The following ADGRV1 variants were observed in gnomAD, a reference collection of about 807,000 sequenced individuals.
The protein encoded by ADGRV1 is G-protein coupled receptor 98.
ADGRV1 carries 359 observed loss-of-function variants against 596.2 expected under a neutral mutation model. The ratio of observed to expected loss-of-function variants is 0.60; its 90% CI spans 0.55 to 0.66. The LOEUF (loss-of-function observed/expected upper bound fraction) is 0.66. ADGRV1 is among the 30% of genes least tolerant of loss of function. The pLI, the probability that ADGRV1 is intolerant of heterozygous loss-of-function variation, is 0.00. For synonymous variants in ADGRV1, 2,681 were observed against 2,679.2 expected (o/e 1.00, Z -0.02); for missense variants, 7,274 against 7,575.6 (o/e 0.96, Z 1.48).
chr5:90,869,920 C>T (rs1374348120), intron 83 of ADGRV1, among the ~76,000 whole-genome samples: 2 of 152,130 alleles, frequency 1.3e-5, no homozygotes, highest in Non-Finnish European at 2.9e-5. Flanking sequence ...AACTGCTATA[C>T]TAAGTTGCTT....
At chr5:91,087,374 G>A (rs1789973906) in intron 86 of ADGRV1, among the ~76,000 whole-genome samples, 1 of 152,044 alleles carries the variant, frequency 6.6e-6, no homozygotes, top group African/African-American at 2.4e-5. Flanking sequence ...TTGGCTCACT[G>A]CAACCTCCGC....
intron 87 of ADGRV1, among the ~76,000 whole-genome samples, chr5:91,142,147 C>T (rs1795149453): frequency 6.6e-6 from 1 of 152,222 alleles, no homozygotes. Flanking sequence ...GAAACCAACA[C>T]ATCCCTCAGA....
At chr5:90,826,585 G>A (rs1764094005) in intron 76 of ADGRV1, among the ~76,000 whole-genome samples, 1 of 151,900 alleles carries the variant, frequency 6.6e-6, no homozygotes, top group Non-Finnish European at 1.5e-5. Context: ...CACAGCTCTC[G>A]GCAGAGTTGG....
chr5:90,869,786 T>C (rs1259976454), intron 83 of ADGRV1, among the ~76,000 whole-genome samples: 1 of 152,196 alleles, frequency 6.6e-6, no homozygotes, highest in Non-Finnish European at 1.5e-5. Context: ...GGTACTAATA[T>C]TATTCTCATT....
chr5:90,851,063 T>C (rs1462177566), intron 79 of ADGRV1, among the ~76,000 whole-genome samples: 2 of 149,682 alleles, frequency 1.3e-5, no homozygotes, highest in Non-Finnish European at 3.0e-5. Context: ...GGGGAGCTCA[T>C]CAGTTTTTTA....
intron 87 of ADGRV1, among the ~76,000 whole-genome samples, chr5:91,106,311 T>G (rs1181343199): frequency 6.6e-6 from 1 of 152,216 alleles, no homozygotes; most frequent in African/African-American, 2.4e-5. Context: ...TCTATTCTGT[T>G]CCATTGGTCC....
intron 83 of ADGRV1, among the ~76,000 whole-genome samples, chr5:90,945,832 G>A (rs1262793844): frequency 6.6e-6 from 1 of 152,036 alleles, no homozygotes; most frequent in Non-Finnish European, 1.5e-5. Context: ...CAAAAATTTG[G>A]TGGGACATGG....
At chr5:91,111,249 C>A (rs533173993) in intron 87 of ADGRV1, among the ~76,000 whole-genome samples, 28 of 152,296 alleles carry the variant, frequency 1.8e-4, no homozygotes, top group African/African-American at 5.5e-4. Flanking sequence ...CTCTCCACCC[C>A]ACCCTGCCTT....
In ADGRV1 at chr5:90,997,294, A is replaced by G. The variant is rs188441218; in HGVS notation, c.18152+11772A>G. Reference sequence around the variant, plus strand: ...TGGGAGTGGTTTCTAATGGTTTAGCACCATCCCCAGAGTGCTGTCTTGCGA... The same window carrying G: ...TGGGAGTGGTTTCTAATGGTTTAGCGCCATCCCCAGAGTGCTGTCTTGCGA... On this transcript the variant is annotated intron_variant, in intron 85 of 89. Transcript: ENST00000405460. Among the ~76,000 whole-genome samples, 12 of 152,174 alleles carry G rather than the reference A, an allele frequency of 7.9e-5. No individual in the cohort carries two copies. The East Asian group carries it at 2.3e-3, about 30-fold the overall frequency.
At chr5:90,594,696 A>C (rs1760025720) in intron 1 of ADGRV1, among the ~76,000 whole-genome samples, 1 of 149,724 alleles carries the variant, frequency 6.7e-6, no homozygotes, top group Non-Finnish European at 1.5e-5. Flanking sequence ...CTTAATGAGC[A>C]TGCTGCCTTC....
Position 90,992,252 on chromosome 5 carries a change from A to G in ADGRV1, c.18152+6730A>G, listed in dbSNP as rs79578852. Reference sequence around the variant, plus strand: ...TTCAAAGGCCTGTTAACTCCTTCAAATTTTTATTCTAAACATGCTCAGTAT... The same window carrying G: ...TTCAAAGGCCTGTTAACTCCTTCAAGTTTTTATTCTAAACATGCTCAGTAT... On this transcript the variant is annotated intron_variant, in intron 85 of 89. Coordinates refer to ENST00000405460, the MANE Select transcript of ADGRV1 (RefSeq NM_032119.4). Among the ~76,000 whole-genome samples the G allele has an allele frequency of 7.2e-5, 11 of 152,220 alleles. No individual in the cohort carries two copies. The East Asian group carries it at 2.1e-3, about 29-fold the overall frequency.
chr5:91,004,642 T>C (rs1490544808), intron 85 of ADGRV1, among the ~76,000 whole-genome samples: 1 of 152,194 alleles, frequency 6.6e-6, no homozygotes, highest in Non-Finnish European at 1.5e-5. Flanking sequence ...AAATATAGAC[T>C]GGATATAGTT....
intron 1 of ADGRV1, among the ~76,000 whole-genome samples, chr5:90,608,003 A>G (rs750586895): frequency 6.6e-6 from 1 of 152,138 alleles, no homozygotes; most frequent in South Asian, 2.1e-4. Flanking sequence ...AAATCATTGG[A>G]TTAATGGAAA....
At chr5:90,629,047 A>G in intron 8 of ADGRV1, 163 bp from the exon 9 acceptor site, 1 of 650,758 alleles carries the variant, frequency 1.5e-6, no homozygotes, top group Non-Finnish European at 2.4e-6. Flanking sequence ...ATATTTCCAA[A>G]TCTGTTTTTG....
At chr5:91,134,223 T>C (rs1794446041) in intron 87 of ADGRV1, among the ~76,000 whole-genome samples, 1 of 152,136 alleles carries the variant, frequency 6.6e-6, no homozygotes, top group African/African-American at 2.4e-5. Flanking sequence ...AGTCACATTC[T>C]GTCACCTCGG....
chr5:90,969,954 T>A (rs1215595254), intron 84 of ADGRV1, among the ~76,000 whole-genome samples: 1 of 152,154 alleles, frequency 6.6e-6, no homozygotes. Context: ...GTGCAAGCGA[T>A]CAGGGAATTC....
intron 87 of ADGRV1, among the ~76,000 whole-genome samples, chr5:91,141,575 G>T (rs2126847985): frequency 6.6e-6 from 1 of 152,050 alleles, no homozygotes; most frequent in African/African-American, 2.4e-5. Flanking sequence ...AATTTTAAAT[G>T]AAAAAAACTA....
chr5:91,035,861 T>TATATATATAATATATATAATA, intron 85 of ADGRV1, among the ~76,000 whole-genome samples: 1 of 96,400 alleles, frequency 1.0e-5, no homozygotes, highest in South Asian at 3.5e-4. Context: ...TATATATATA[T>TATATATATAATATATATAATA]TATATATATA....
intron 45 of ADGRV1, among the ~76,000 whole-genome samples, chr5:90,724,576 T>C (rs1254940938): frequency 1.3e-5 from 2 of 152,226 alleles, no homozygotes; most frequent in Non-Finnish European, 2.9e-5. Flanking sequence ...TATGTGTAGG[T>C]ATAAAGCAGA....
Sources: gnomAD v4.1 joint callset for allele counts (sites outside exome capture counted in the v4.1 genomes callset) on GRCh38, gnomAD v4.1.1 for gene constraint, MANE v1.5 for transcripts, NCBI Gene and HGNC (gene_info 2026-07-23, HGNC 2026-07-21) for gene names.